Variants in SLC7A13 observed in about 807,000 individuals in gnomAD.
SLC7A13 encodes solute carrier family 7 member 13.
SLC7A13 carries 31 observed loss-of-function variants against 32.0 expected under a neutral mutation model. The observed-to-expected ratio is 0.97, with a 90% CI of 0.73 to 1.31. The LOEUF is 1.31. Among genes scored for constraint, SLC7A13 ranks in the 50% most tolerant of loss-of-function variants. The pLI is 0.00. For missense variants in SLC7A13, 633 were observed against 546.9 expected, an observed-to-expected ratio of 1.16 and a Z score of -1.57; for synonymous variants, 232 against 206.9, an observed-to-expected ratio of 1.12 and a Z score of -1.04.
At position 86,229,774 on chromosome 8, in the gene SLC7A13, C is replaced by G; in HGVS notation, c.504G>C (p.Val168=). 1 of 1,614,192 alleles carries G rather than the reference C, an allele frequency of 6.2e-7. No individual in the cohort carries two copies. The part of the protein sequence containing the change: ...WLQIASSVLK[V]SILSFISLTG... ...TTAGGGAAATGAAGCTAAGTATGGA[C>G]ACTTTCAGCACTGAGCTAGCTATCT... Residue 168 remains valine (V), a synonymous_variant, in exon 1 of 4, where the codon GTG becomes GTC. Transcript: ENST00000297524.
intron 1 of SLC7A13, among the ~76,000 whole-genome samples, chr8:86,223,944 G>A (rs976372575): frequency 1.3e-4 from 20 of 151,924 alleles, no homozygotes; most frequent in Admixed American, 3.3e-4. Flanking sequence ...AAATGAAATC[G>A]GAGCCCATAA....
chr8:86,219,973 T>C (rs1242696745), intron 2 of SLC7A13, among the ~76,000 whole-genome samples: 1 of 152,098 alleles, frequency 6.6e-6, no homozygotes, highest in Non-Finnish European at 1.5e-5. Flanking sequence ...CCAAAAATAA[T>C]TGCATCAATT....
chr8:86,220,978 G>A (rs573712470), intron 2 of SLC7A13, among the ~76,000 whole-genome samples: 6 of 138,088 alleles, frequency 4.3e-5, no homozygotes, highest in African/African-American at 1.6e-4. Context: ...AGGCAACAGA[G>A]CAAGACTCTG....
intron 3 of SLC7A13, among the ~76,000 whole-genome samples, 178 bp from the exon 4 acceptor site, chr8:86,214,824 T>A (rs149997837): frequency 1.3e-5 from 2 of 152,306 alleles, no homozygotes; most frequent in East Asian, 3.9e-4. Flanking sequence ...AAAGGAGATG[T>A]TGAAGACTGT....
Position 86,217,888 on chromosome 8 carries a change from T to G in SLC7A13, c.818-57A>C, listed in dbSNP as rs1440251931. The G allele has an allele frequency of 2.1e-6, 3 of 1,453,122 alleles. No individual in the cohort carries two copies. In the African/African-American group the frequency reaches 4.3e-5, roughly 21 times the overall value. The allele number at this position is 1,453,122 out of a possible 1,614,324, so 90.0% of individuals were successfully genotyped here. A position where few individuals can be genotyped will look rare whatever the true frequency, so the allele number is the denominator to read the frequency against. On this transcript the variant is annotated intron_variant, in intron 2 of 3. Coordinates refer to ENST00000297524, the MANE Select transcript of SLC7A13 (RefSeq NM_138817.3). ...TGTGTTAAAAGAGAAATACTAATGA[T>G]AAACCTTTTAATATTATTTCAAAAT...
intron 2 of SLC7A13, among the ~76,000 whole-genome samples, chr8:86,219,306 C>T (rs764359932): frequency 9.9e-5 from 15 of 152,142 alleles, no homozygotes; most frequent in Non-Finnish European, 1.6e-4. Context: ...TTAGTTATAA[C>T]TTGAGGAGGA....
chr8:86,214,817 G>C (rs1820151700), intron 3 of SLC7A13, among the ~76,000 whole-genome samples, 171 bp from the exon 4 acceptor site: 1 of 152,160 alleles, frequency 6.6e-6, no homozygotes, highest in African/African-American at 2.4e-5. Flanking sequence ...CTGAGTGAAA[G>C]GAGATGTTGA....
rs965037648 is a variant in SLC7A13 at position 86,214,429 on chromosome 8, T to C, written c.1397A>G (p.Asp466Gly). 1.2e-6 allele frequency: 2 copies of C among 1,606,732 alleles called. No homozygotes were observed. Among genetic ancestry groups the C allele is most frequent in the Non-Finnish European group, 8.5e-7 (1 of 1,176,498 alleles). ...LQLLFNICLP[D>G]VSEE ...TTCCGACATCTATTCCTCAGACACA[T>C]CAGGGAGGCAAATATTAAATAGTAA... Residue 466 changes from aspartate (D) to glycine (G), a missense_variant, in exon 4 of 4, where the codon GAT becomes GGT. Asp to Gly is a moderately conservative substitution (Grantham distance 94, BLOSUM62 -1). Transcript: ENST00000297524.
chr8:86,218,034 T>G lies in SLC7A13; in HGVS notation c.818-203A>C, dbSNP rs146690734. The stretch of plus-strand genomic sequence containing the variant: ...TATTTGACTCCATCACACTGTATTG[T>G]AAATGGTTATCATTTTATATGTCTT... On this transcript the variant is annotated intron_variant, in intron 2 of 3. Transcript: ENST00000297524. 1.1e-3 allele frequency among the ~76,000 whole-genome samples: 162 copies of G among 152,340 alleles called. 1 individual carries two copies. The highest frequency in any genetic ancestry group is 3.7e-3 in the African/African-American group (153 of 41,584).
chr8:86,228,792 G>A (rs1000205591), intron 1 of SLC7A13, among the ~76,000 whole-genome samples: 1 of 151,862 alleles, frequency 6.6e-6, no homozygotes, highest in Non-Finnish European at 1.5e-5. Flanking sequence ...GCTGCAGTGA[G>A]CTGAAATCAT....
chr8:86,214,548 A>G lies in SLC7A13; in HGVS notation c.1278T>C (p.Leu426=), dbSNP rs775401534. The change falls in exon 4 of 4, where the codon CTT becomes CTC. Residue 426 remains leucine, a synonymous_variant. Coordinates refer to ENST00000297524, the MANE Select transcript of SLC7A13 (RefSeq NM_138817.3). ...ATAGTAATCCGCTGAGAACTAACAG[A>G]AGCACGTAGACATAATGCACATTTG... The part of the protein sequence containing the change: ...KSPNVHYVYV[L]LLVLSGLLFY... 1 of 1,613,684 alleles carries G rather than the reference A, an allele frequency of 6.2e-7. No individual in the cohort carries two copies. Among genetic ancestry groups the G allele is most frequent in the Non-Finnish European group, 8.5e-7 (1 of 1,179,800 alleles).
At chr8:86,226,140 C>A (rs983787002) in intron 1 of SLC7A13, among the ~76,000 whole-genome samples, 30 of 152,250 alleles carry the variant, frequency 2.0e-4, no homozygotes, top group African/African-American at 7.2e-4. Context: ...AGAATAAATT[C>A]TGTAAGTATA....
rs528944095 is a variant in SLC7A13 at position 86,229,967 on chromosome 8, C to G, written c.311G>C (p.Gly104Ala). Residue 104 changes from glycine to alanine, a missense_variant, in exon 1 of 4, where the codon GGG (glycine) becomes GCG (alanine). By Grantham distance (60) the Gly-to-Ala change is moderately conservative. Coordinates refer to ENST00000297524, the MANE Select transcript of SLC7A13 (RefSeq NM_138817.3). ...AGCTTGGCCAGCAACTACCCCTGAC[C>G]CCAGAAACAAGGATGTCCAGAGATT... ...FLNLWTSLFL[G>A]SGVVAGQALL... 25 of 1,614,124 alleles carry G rather than the reference C, an allele frequency of 1.5e-5. No homozygotes were observed. In the East Asian group the frequency reaches 5.1e-4, roughly 33 times the overall value.
intron 2 of SLC7A13, among the ~76,000 whole-genome samples, chr8:86,219,398 T>C (rs556043141): frequency 1.3e-5 from 2 of 152,300 alleles, no homozygotes; most frequent in African/African-American, 4.8e-5. Context: ...ACAAGGGATG[T>C]TTTTTCTTTG....
At chr8:86,215,125 T>C (rs1171445134) in intron 3 of SLC7A13, among the ~76,000 whole-genome samples, 1 of 151,930 alleles carries the variant, frequency 6.6e-6, no homozygotes, top group Admixed American at 6.6e-5. Context: ...AAAAAAAAAA[T>C]CAAGACAAAA....
chr8:86,219,007 A>G (rs1410265586), intron 2 of SLC7A13, among the ~76,000 whole-genome samples: 1 of 152,208 alleles, frequency 6.6e-6, no homozygotes, highest in Non-Finnish European at 1.5e-5. Context: ...AAATATCATT[A>G]ATAGCTCTTG....
In SLC7A13 at chr8:86,230,134, G is replaced by T. The variant is rs1485914841; in HGVS notation, c.144C>A (p.Val48=). 4.3e-6 allele frequency: 7 copies of T among 1,614,166 alleles called. No individual in the cohort carries two copies. Among genetic ancestry groups the T allele is most frequent in the Non-Finnish European group, 4.2e-6 (5 of 1,180,028 alleles). Reference sequence around the variant, plus strand: ...CACAGCCAGCCCAAACGCACAGGGAGACTCCCACGTTCATGCAAGAGTATG... The same window carrying T: ...CACAGCCAGCCCAAACGCACAGGGATACTCCCACGTTCATGCAAGAGTATG... The part of the protein sequence containing the change: ...VLAYSCMNVG[V]SLCVWAGCAI... The change falls in exon 1 of 4, where the codon GTC becomes GTA. Residue 48 remains valine (V), a synonymous_variant. Coordinates refer to ENST00000297524, the MANE Select transcript of SLC7A13 (RefSeq NM_138817.3).
intron 2 of SLC7A13, among the ~76,000 whole-genome samples, chr8:86,220,347 C>T (rs998485706): frequency 2.6e-5 from 4 of 152,076 alleles, no homozygotes; most frequent in Non-Finnish European, 4.4e-5. Context: ...AAGGCATTTC[C>T]ATACACCTTT....
At chr8:86,215,254 C>T in intron 3 of SLC7A13, among the ~76,000 whole-genome samples, 1 of 152,090 alleles carries the variant, frequency 6.6e-6, no homozygotes, top group Non-Finnish European at 1.5e-5. Context: ...TACAACATTA[C>T]CCAATCTAGG....
Sources: allele counts gnomAD v4.1 joint callset (sites outside exome capture counted in the v4.1 genomes callset), GRCh38; gene constraint gnomAD v4.1.1; transcripts MANE v1.5; gene names NCBI Gene and HGNC (gene_info 2026-07-23, HGNC 2026-07-21).